Variants in MYCBP2 observed in about 807,000 individuals in gnomAD.
The protein encoded by MYCBP2 is MYC binding protein 2, also known as E3 ubiquitin-protein ligase MYCBP2.
A neutral mutation model predicts 525.3 loss-of-function variants in MYCBP2; 120 were observed. The observed-to-expected ratio is 0.23, with a 90% CI of 0.20 to 0.27. The LOEUF (loss-of-function observed/expected upper bound fraction) is 0.27, where lower values mean the gene tolerates loss of function less well. Ranked by LOEUF, MYCBP2 falls within the 10% of genes least tolerant of loss-of-function variation. The pLI is 1.00. For synonymous variants in MYCBP2, 1,894 were observed against 1,955.8 expected (o/e 0.97, Z 0.83); for missense variants, 4,149 against 5,657.1 (o/e 0.73, Z 8.55).
At chr13:77,135,035 G>A (rs2053524575) in intron 52 of MYCBP2, among the ~76,000 whole-genome samples, 1 of 152,122 alleles carries the variant, frequency 6.6e-6, no homozygotes, top group Admixed American at 6.5e-5. Context: ...TCCAATCTCT[G>A]CCCCCATTCC....
At chr13:77,215,156 T>C (rs2064641745) in intron 21 of MYCBP2, among the ~76,000 whole-genome samples, 1 of 152,184 alleles carries the variant, frequency 6.6e-6, no homozygotes. Context: ...TAGCAACATG[T>C]AAATGTTCTA....
intron 23 of MYCBP2, among the ~76,000 whole-genome samples, chr13:77,208,729 T>G (rs954094881): frequency 6.6e-6 from 1 of 152,210 alleles, no homozygotes; most frequent in Non-Finnish European, 1.5e-5. Flanking sequence ...GAATTCGGTA[T>G]GGGAAAAGAA....
chr13:77,195,589 C>CT (rs1470249059), intron 26 of MYCBP2, among the ~76,000 whole-genome samples: 1 of 110,538 alleles, frequency 9.0e-6, no homozygotes, highest in Non-Finnish European at 2.5e-5. Flanking sequence ...CAAAGAGACT[C>CT]TTAAAAAAAA....
chr13:77,233,516 G>C (rs2067429648), intron 17 of MYCBP2, among the ~76,000 whole-genome samples: 1 of 138,896 alleles, frequency 7.2e-6, no homozygotes, highest in Non-Finnish European at 1.5e-5. Context: ...TAAAATTATT[G>C]TGTAGTTACT....
chr13:77,205,265 A>T lies in MYCBP2; in HGVS notation c.3834T>A (p.Ala1278=). Residue 1278 remains alanine (A), a synonymous_variant, in exon 26 of 83, where the codon GCT becomes GCA. Transcript: ENST00000544440. ...TGTTGATGAACTTTACCTTAATTTTAGCAGTATATTCTCCTCTACCTCCAA... is the reference window on the plus strand; with the variant it reads ...TGTTGATGAACTTTACCTTAATTTTTGCAGTATATTCTCCTCTACCTCCAA... ...GLFGGRGEYT[A]KIKLFELGPD... 6.3e-7 allele frequency: 1 copy of T among 1,587,814 alleles called. No individual in the cohort carries two copies.
At chr13:77,113,575 G>A (rs2049218400) in intron 55 of MYCBP2, among the ~76,000 whole-genome samples, 1 of 152,152 alleles carries the variant, frequency 6.6e-6, no homozygotes, top group African/African-American at 2.4e-5. Flanking sequence ...GGAAGAGGGA[G>A]AGATAAAAGG....
intron 24 of MYCBP2, among the ~76,000 whole-genome samples, chr13:77,206,157 C>T (rs1382600656): frequency 6.6e-6 from 1 of 151,638 alleles, no homozygotes; most frequent in African/African-American, 2.4e-5. Flanking sequence ...ATAAAATTTC[C>T]AGTTACAAAA....
At chr13:77,207,080 TG>T (rs1306462367) in intron 23 of MYCBP2, among the ~76,000 whole-genome samples, 1 of 152,208 alleles carries the variant, frequency 6.6e-6, no homozygotes, top group Non-Finnish European at 1.5e-5. Context: ...AATACTTGAC[TG>T]TATAAAGTTT....
intron 68 of MYCBP2, 87 bp downstream of exon 68, chr13:77,076,664 A>T: frequency 1.3e-6 from 1 of 768,114 alleles, no homozygotes; most frequent in Non-Finnish European, 2.1e-6. Context: ...TTACATATCC[A>T]TCAAAATATA....
Position 77,067,718 on chromosome 13 carries a change from C to T in MYCBP2, c.12318G>A (p.Leu4106=), listed in dbSNP as rs2040443516. The T allele has an allele frequency of 6.2e-7, 1 of 1,613,962 alleles. No individual in the cohort carries two copies. The highest frequency in any genetic ancestry group is 1.1e-5 in the South Asian group (1 of 91,072). ...TGGCAATGCATCCTAGAAACATGTCCAAGATACCCAGCTTATTCCAGTCTC... is the reference window on the plus strand; with the variant it reads ...TGGCAATGCATCCTAGAAACATGTCTAAGATACCCAGCTTATTCCAGTCTC... The part of the protein sequence containing the change: ...EKGDWNKLGI[L]DMFLGCIAKA... The change falls in exon 71 of 83, where the codon TTG becomes TTA. Residue 4106 remains leucine, a synonymous_variant. Coordinates refer to ENST00000544440, the MANE Select transcript of MYCBP2 (RefSeq NM_015057.5).
Position 77,077,380 on chromosome 13 carries a change from A to G in MYCBP2, c.11492T>C (p.Leu3831Pro). The change falls in exon 67 of 83, where the codon CTG becomes CCG. Residue 3831 changes from leucine (L) to proline (P), a missense_variant. By Grantham distance (98) the Leu-to-Pro change is moderately conservative. This residue lies in a region of MYCBP2 where 509 missense variants were observed against 789.4 expected (regional missense o/e 0.64). Coordinates refer to ENST00000544440, the MANE Select transcript of MYCBP2 (RefSeq NM_015057.5). ...TACCCAGCCAATGTGCCTGGAATCC[A>G]GATCAACCTGGTTGAGTAGAAAAGA... ...EDLCRIKQVD[L>P]DSRHIGWVTS... The G allele has an allele frequency of 6.2e-7, 1 of 1,613,968 alleles. No homozygotes were observed. The highest frequency in any genetic ancestry group is 2.2e-5 in the East Asian group (1 of 44,888).
intron 44 of MYCBP2, among the ~76,000 whole-genome samples, chr13:77,158,512 A>T (rs1278105859): frequency 6.6e-6 from 1 of 152,174 alleles, no homozygotes; most frequent in African/African-American, 2.4e-5. Flanking sequence ...GTGCCATCAT[A>T]GCTCATTGTA....
At chr13:77,150,978 CCATT>C in intron 46 of MYCBP2, 29 bp from the exon 47 acceptor site, 1 of 1,541,100 alleles carries the variant, frequency 6.5e-7, no homozygotes, top group Non-Finnish European at 9.0e-7. Flanking sequence ...AAACCAAATA[CCATT>C]ATTATTTAAT....
chr13:77,199,283 C>T (rs1489215284), intron 26 of MYCBP2, among the ~76,000 whole-genome samples: 1 of 152,202 alleles, frequency 6.6e-6, no homozygotes, highest in South Asian at 2.1e-4. Context: ...GGGTGACAGA[C>T]GGCACCTGGA....
chr13:77,085,248 G>A (rs950855499), intron 62 of MYCBP2, among the ~76,000 whole-genome samples: 1 of 151,872 alleles, frequency 6.6e-6, no homozygotes, highest in East Asian at 1.9e-4. Context: ...TATTTTTCTT[G>A]TTATTGTTTT....
chr13:77,238,049 C>T (rs908795249), intron 17 of MYCBP2, among the ~76,000 whole-genome samples: 5 of 151,984 alleles, frequency 3.3e-5, no homozygotes, highest in Non-Finnish European at 5.9e-5. Flanking sequence ...TGAGGCTATC[C>T]TGGCTAACAA....
At chr13:77,256,709 T>C (rs760483788) in intron 14 of MYCBP2, among the ~76,000 whole-genome samples, 5 of 152,012 alleles carry the variant, frequency 3.3e-5, no homozygotes, top group Non-Finnish European at 5.9e-5. Flanking sequence ...ACGTGGCTTT[T>C]ATCCAAAAGA....
At chr13:77,241,629 T>G (rs1237579743) in intron 17 of MYCBP2, among the ~76,000 whole-genome samples, 1 of 152,318 alleles carries the variant, frequency 6.6e-6, no homozygotes, top group South Asian at 2.1e-4. Flanking sequence ...ACAGTATCTA[T>G]ATTAATCTCA....
rs192757686 is a variant in MYCBP2 at position 77,097,009 on chromosome 13, T to C, written c.9784+361A>G. 2.5e-3 allele frequency among the ~76,000 whole-genome samples: 380 copies of C among 152,266 alleles called. 1 individual carries two copies. The highest frequency in any genetic ancestry group is 3.8e-3 in the Non-Finnish European group (259 of 67,992). On this transcript the variant is annotated intron_variant, in intron 56 of 82. Coordinates refer to ENST00000544440, the MANE Select transcript of MYCBP2 (RefSeq NM_015057.5). Reference sequence around the variant, plus strand: ...CCTATAGAAATCAATCTAATCTAATTTAATTTGCAATTCTGAACAGGAAAA... The same window carrying C: ...CCTATAGAAATCAATCTAATCTAATCTAATTTGCAATTCTGAACAGGAAAA...
Sources: allele counts gnomAD v4.1 joint callset (sites outside exome capture counted in the v4.1 genomes callset), GRCh38; gene constraint gnomAD v4.1.1; regional missense constraint gnomAD v4.1.1; transcripts MANE v1.5; gene names NCBI Gene and HGNC (gene_info 2026-07-23, HGNC 2026-07-21).